The following GBF1 variants were observed in gnomAD, a reference collection of about 807,000 sequenced individuals.
GBF1 encodes golgi brefeldin A resistant guanine nucleotide exchange factor 1.
GBF1 carries 114 observed loss-of-function variants against 210.5 expected under a neutral mutation model. That is an observed-to-expected ratio of 0.54 (90% CI 0.47 to 0.63). The LOEUF is 0.63. Ranked by LOEUF, GBF1 falls within the 30% of genes least tolerant of loss-of-function variation. The pLI is 0.00. For synonymous variants in GBF1, 850 were observed against 889.2 expected (o/e 0.96, Z 0.78); for missense variants, 1,851 against 2,357.7 (o/e 0.79, Z 4.45).
chr10:102,334,630 C>T (rs1211318742), intron 3 of GBF1, among the ~76,000 whole-genome samples: 5 of 152,098 alleles, frequency 3.3e-5, no homozygotes, highest in East Asian at 3.9e-4. Context: ...GGGCACATCA[C>T]GAGGTCAGGA....
intron 3 of GBF1, among the ~76,000 whole-genome samples, chr10:102,315,378 A>G (rs1240439726): frequency 6.6e-6 from 1 of 152,188 alleles, no homozygotes; most frequent in Non-Finnish European, 1.5e-5. Context: ...TGTGAACCCT[A>G]TTGTGAACTG....
intron 3 of GBF1, among the ~76,000 whole-genome samples, chr10:102,266,793 C>T (rs556655053): frequency 6.6e-6 from 1 of 152,200 alleles, no homozygotes; most frequent in South Asian, 2.1e-4. Context: ...TATTTCTTTA[C>T]AGAGCTTACT....
At chr10:102,351,769 T>A in intron 5 of GBF1, 74 bp from the exon 6 acceptor site, 1 of 859,216 alleles carries the variant, frequency 1.2e-6, no homozygotes, top group Non-Finnish European at 2.0e-6. Context: ...GCATTCTTGC[T>A]AACCCCTCTC....
At chr10:102,313,965 C>T (rs1208937943) in intron 3 of GBF1, among the ~76,000 whole-genome samples, 10 of 151,964 alleles carry the variant, frequency 6.6e-5, no homozygotes, top group Admixed American at 6.6e-4. Flanking sequence ...AACTATTAAA[C>T]TCTTGGTAAC....
chr10:102,268,251 C>T (rs2074063164), intron 3 of GBF1, among the ~76,000 whole-genome samples: 1 of 152,198 alleles, frequency 6.6e-6, no homozygotes, highest in African/African-American at 2.4e-5. Flanking sequence ...CTCTCTTTTT[C>T]TCTTCCTCAT....
chr10:102,323,239 GAAAAA>G (rs775888621), intron 3 of GBF1, among the ~76,000 whole-genome samples: 45 of 65,844 alleles, frequency 6.8e-4, no homozygotes, highest in Admixed American at 4.7e-3. Flanking sequence ...CTCCAAAATT[GAAAAA>G]AAAAAAAAAA....
chr10:102,315,496 C>T (rs1342009910), intron 3 of GBF1, among the ~76,000 whole-genome samples: 1 of 152,142 alleles, frequency 6.6e-6, no homozygotes, highest in African/African-American at 2.4e-5. Flanking sequence ...CATGGCAGAC[C>T]ATTTTTCCAC....
rs1392016557 is a variant in GBF1, at chr10:102,360,477, AG to A, written c.1392+83del. The A allele has an allele frequency of 1.8e-4, 162 of 907,356 alleles. 2 individuals are homozygous for A. The South Asian group carries it at 1.8e-3, about 10-fold the overall frequency. 56.2% of individuals were successfully genotyped at this position (907,356 alleles called of 1,614,324 possible). On this transcript the variant is annotated intron_variant, in intron 12 of 39. Coordinates refer to ENST00000369983, the MANE Select transcript of GBF1 (RefSeq NM_001377137.1). The stretch of plus-strand genomic sequence containing the variant: ...GGGAGGTCTGGCTGATTACGCAAAG[AG>A]TATAGGACCTAGGAAAGCATCTCCC...
At chr10:102,295,969 G>A (rs1207738734) in intron 3 of GBF1, among the ~76,000 whole-genome samples, 2 of 152,026 alleles carry the variant, frequency 1.3e-5, no homozygotes, top group African/African-American at 4.8e-5. Flanking sequence ...TTAAGTAGCG[G>A]ACAATAACAT....
At position 102,273,658 on chromosome 10, in the gene GBF1, C is replaced by T. The variant is rs138651071; in HGVS notation, c.163+13542C>T. ...ATTCTGTGAAGGACTCTGTGAGGCA[C>T]CTTAGCCCCCTTGACTTTTGGGAAT... On this transcript the variant is annotated intron_variant, in intron 3 of 39. Coordinates refer to ENST00000369983, the MANE Select transcript of GBF1 (RefSeq NM_001377137.1). Among the ~76,000 whole-genome samples, 20 of 152,298 alleles carry T rather than the reference C, an allele frequency of 1.3e-4. No homozygotes were observed. The East Asian group carries it at 3.7e-3, about 28-fold the overall frequency.
chr10:102,345,206 C>T (rs771332655), intron 4 of GBF1, among the ~76,000 whole-genome samples: 4 of 149,528 alleles, frequency 2.7e-5, no homozygotes, highest in Admixed American at 6.7e-5. Context: ...CGCTTGAACC[C>T]GGGAGGCGGA....
chr10:102,342,388 C>T (rs985148247), intron 3 of GBF1, among the ~76,000 whole-genome samples: 1 of 146,230 alleles, frequency 6.8e-6, no homozygotes, highest in Non-Finnish European at 1.5e-5. Flanking sequence ...TTCACACACA[C>T]GCACACACAC....
chr10:102,375,998 CCTT>C (rs916413023), intron 30 of GBF1, among the ~76,000 whole-genome samples: 1 of 151,900 alleles, frequency 6.6e-6, no homozygotes, highest in African/African-American at 2.4e-5. Context: ...GGCTTCATAG[CCTT>C]CTGCATTGCT....
At chr10:102,231,979 C>T in the GBF1 span, 6 of 1,610,392 alleles carry the variant, frequency 3.7e-6, no homozygotes, top group Middle Eastern at 5.1e-4. Flanking sequence ...GCTCCTGGCC[C>T]TTGCAGCCGT....
chr10:102,260,807 G>A (rs981935625), intron 3 of GBF1, among the ~76,000 whole-genome samples: 1 of 151,978 alleles, frequency 6.6e-6, no homozygotes, highest in South Asian at 2.1e-4. Flanking sequence ...GAATCTGCAA[G>A]CCAGATTTGG....
At chr10:102,303,280 G>C (rs2077554706) in intron 3 of GBF1, among the ~76,000 whole-genome samples, 1 of 152,138 alleles carries the variant, frequency 6.6e-6, no homozygotes, top group African/African-American at 2.4e-5. Context: ...GAGCCACCAT[G>C]ACCAGCTTTA....
At chr10:102,365,133 C>A (rs1420961153) in intron 17 of GBF1, among the ~76,000 whole-genome samples, 2 of 152,154 alleles carry the variant, frequency 1.3e-5, no homozygotes, top group African/African-American at 4.8e-5. Context: ...TTCCCCCAAT[C>A]CTAAGTTAGA....
chr10:102,357,707 C>T (rs1257956011), intron 8 of GBF1, among the ~76,000 whole-genome samples: 3 of 152,104 alleles, frequency 2.0e-5, no homozygotes, highest in Non-Finnish European at 4.4e-5. Flanking sequence ...GAGGGTCATG[C>T]ATCATCCATA....
rs865848989 is a variant in GBF1, at chr10:102,381,835, A to G, written c.5303-221A>G. Reference sequence around the variant, plus strand: ...GAGACCCTGTCGCGAAAAAAAAAAAAAAAAAAAAAAAAAAGAGTAGCCTGG... The same window carrying G: ...GAGACCCTGTCGCGAAAAAAAAAAAGAAAAAAAAAAAAAAGAGTAGCCTGG... On this transcript the variant is annotated intron_variant, in intron 39 of 39. Coordinates refer to ENST00000369983, the MANE Select transcript of GBF1 (RefSeq NM_001377137.1). Among the ~76,000 whole-genome samples, 47 of 150,584 alleles carry G rather than the reference A, an allele frequency of 3.1e-4. No individual in the cohort carries two copies. In the Middle Eastern group the frequency reaches 0.017, roughly 55 times the overall value.
Sources: allele counts gnomAD v4.1 joint callset (sites outside exome capture counted in the v4.1 genomes callset), GRCh38; gene constraint gnomAD v4.1.1; transcripts MANE v1.5; gene names NCBI Gene and HGNC (gene_info 2026-07-23, HGNC 2026-07-21).